CFAP20DC: variants seen among roughly 807,000 people sequenced by gnomAD.
The protein encoded by CFAP20DC is protein CFAP20DC.
In CFAP20DC, 84 loss-of-function variants were observed where a neutral mutation model predicts 101.7. The observed-to-expected ratio is 0.83, with a 90% confidence interval of 0.69 to 0.99. CFAP20DC has a LOEUF of 0.99. Among genes scored for constraint, CFAP20DC ranks in the 50% least tolerant of loss-of-function variants. The pLI, the probability that CFAP20DC is intolerant of heterozygous loss-of-function variation, is 0.00. For synonymous variants in CFAP20DC, 359 were observed against 351.2 expected (o/e 1.02, Z -0.25); for missense variants, 1,007 against 970.3 (o/e 1.04, Z -0.50).
intron 6 of CFAP20DC, among the ~76,000 whole-genome samples, chr3:58,898,620 G>C (rs959791683): frequency 6.6e-6 from 1 of 152,034 alleles, no homozygotes; most frequent in African/African-American, 2.4e-5. Flanking sequence ...CTTTGCTTTG[G>C]GTTACAACAT....
chr3:58,863,044 C>G lies in CFAP20DC; in HGVS notation c.1593+514G>C, dbSNP rs1249216082. The G allele has an allele frequency of 2.7e-5, 27 of 988,956 alleles. No individual in the cohort carries two copies. Among genetic ancestry groups the G allele is most frequent in the Admixed American group, 1.2e-4 (2 of 16,442 alleles). 61.3% of individuals were successfully genotyped at this position (988,956 alleles called of 1,614,324 possible). A position where few individuals can be genotyped will look rare whatever the true frequency, so the allele number is the denominator to read the frequency against. ...TGTAAGGCAAGTCCCAGCACTAATC[C>G]ACGACTCATTATCTAAACTTTAATT... On this transcript the variant is annotated intron_variant, in intron 12 of 16. Transcript: ENST00000482387. This position sits in a 1 kb window ranked among gnomAD's most constrained non-coding sequence, Gnocchi z 5.9.
At chr3:58,842,953 C>T (rs941230576) in intron 13 of CFAP20DC, among the ~76,000 whole-genome samples, 17 of 151,764 alleles carry the variant, frequency 1.1e-4, no homozygotes, top group African/African-American at 4.1e-4. Context: ...GCTGAGGGTC[C>T]TGTCTGTTAG....
At chr3:58,922,180 C>T (rs1437927552) in intron 5 of CFAP20DC, among the ~76,000 whole-genome samples, 1 of 152,128 alleles carries the variant, frequency 6.6e-6, no homozygotes, top group Non-Finnish European at 1.5e-5. Flanking sequence ...GCATTTAGTC[C>T]ATTTCCACTT....
rs1002946276 is a variant in CFAP20DC, at chr3:58,874,457, G to A, written c.716-4148C>T. On this transcript the variant is annotated intron_variant, in intron 7 of 16. Transcript: ENST00000482387. This position sits in a 1 kb window ranked among gnomAD's most constrained non-coding sequence, Gnocchi z 5.1. ...CTTAAAGTTCTTCAGTGGCTTCTCTGCTGCTCTCAGGAGTAAGATGAAGGC... is the reference window on the plus strand; with the variant it reads ...CTTAAAGTTCTTCAGTGGCTTCTCTACTGCTCTCAGGAGTAAGATGAAGGC... 6.6e-6 allele frequency among the ~76,000 whole-genome samples: 1 copy of A among 152,070 alleles called. No individual in the cohort carries two copies. The highest frequency in any genetic ancestry group is 1.5e-5 in the Non-Finnish European group (1 of 68,022).
At chr3:58,935,161 C>A (rs867748893) in intron 5 of CFAP20DC, among the ~76,000 whole-genome samples, 3 of 152,284 alleles carry the variant, frequency 2.0e-5, no homozygotes, top group South Asian at 4.1e-4. Context: ...CATGAGTGAA[C>A]TCCCATTCAC....
rs759113949 is a variant in CFAP20DC at position 58,795,660 on chromosome 3, C to T, written c.2237+10735G>A. ...AACATAGAAAAAGCAAAAGTAATAG[C>T]GAAAGCCAAGATTCTTCAGGTATCT... On this transcript the variant is annotated intron_variant, in intron 15 of 16. Coordinates refer to ENST00000482387, the MANE Select transcript of CFAP20DC (RefSeq NM_001394063.1). The surrounding 1 kb of genome is among the most constrained non-coding windows in gnomAD (Gnocchi z 4.2). Among the ~76,000 whole-genome samples, 3 of 152,064 alleles carry T rather than the reference C, an allele frequency of 2.0e-5. No homozygotes were observed. The highest frequency in any genetic ancestry group is 2.9e-5 in the Non-Finnish European group (2 of 68,016).
At position 58,721,392 on chromosome 3, in the gene CFAP20DC, A is replaced by G. The variant is rs2107048039; in HGVS notation, c.198-3764T>C. On this transcript the variant is annotated intron_variant, in intron 3 of 3. Transcript: ENST00000486145. The surrounding 1 kb of genome is among the most constrained non-coding windows in gnomAD (Gnocchi z 5.2). ...GAATGAAGAGATAGACATTTTTTAA[A>G]AATTACAACCATGATAGGGTACCTA... is the stretch of plus-strand genomic sequence containing the variant. Among the ~76,000 whole-genome samples, 2 of 151,474 alleles carry G rather than the reference A, an allele frequency of 1.3e-5. No individual in the cohort carries two copies. The highest frequency in any genetic ancestry group is 4.2e-4 in the South Asian group (2 of 4,728).
In CFAP20DC at chr3:58,722,595, C is replaced by T. The variant is rs78292370; in HGVS notation, c.198-4967G>A. Among the ~76,000 whole-genome samples the T allele has an allele frequency of 5.2e-3, 785 of 152,272 alleles. 5 individuals carry two copies. The highest frequency in any genetic ancestry group is 0.018 in the African/African-American group (752 of 41,554). On this transcript the variant is annotated intron_variant, in intron 3 of 3. Transcript: ENST00000486145. The surrounding 1 kb of genome is among the most constrained non-coding windows in gnomAD (Gnocchi z 4.5). ...TCAAAAGCCCAGCTCTCCCCTTCGACGCAGGGTCAAGGCAAGACAGGGAAT... is the reference window on the plus strand; with the variant it reads ...TCAAAAGCCCAGCTCTCCCCTTCGATGCAGGGTCAAGGCAAGACAGGGAAT...
rs562603763 is a variant in CFAP20DC at position 58,724,429 on chromosome 3, T to C, written c.198-6801A>G. 3.0e-4 allele frequency among the ~76,000 whole-genome samples: 45 copies of C among 152,268 alleles called. No individual in the cohort carries two copies. Among genetic ancestry groups the C allele is most frequent in the African/African-American group, 1.1e-3 (45 of 41,554 alleles). On this transcript the variant is annotated intron_variant, in intron 3 of 3. Transcript: ENST00000486145. The surrounding 1 kb of genome is among the most constrained non-coding windows in gnomAD (Gnocchi z 5.6). ...GCTTAGAGCGAGACCCTCTCTCTTA[T>C]CTGTAAACACTGTGTTCAAGGAGAA...
At chr3:58,945,876 T>C (rs1319882048) in intron 4 of CFAP20DC, among the ~76,000 whole-genome samples, 4 of 151,826 alleles carry the variant, frequency 2.6e-5, no homozygotes, top group Admixed American at 2.6e-4. Context: ...TTTGTATTTT[T>C]AGTACAGATG....
intron 4 of CFAP20DC, among the ~76,000 whole-genome samples, chr3:58,981,945 C>A (rs550181212): frequency 6.6e-6 from 1 of 152,072 alleles, no homozygotes; most frequent in African/African-American, 2.4e-5. Context: ...AGAAAATTTT[C>A]GCAACCTGCT....
chr3:58,837,995 C>T (rs151096264), intron 13 of CFAP20DC, among the ~76,000 whole-genome samples: 32 of 152,222 alleles, frequency 2.1e-4, no homozygotes, highest in South Asian at 1.9e-3. Flanking sequence ...GTTTCAGATT[C>T]TCAAGCTAGG....
rs768142693 is a variant in CFAP20DC at position 58,964,195 on chromosome 3, G to C, written c.279-26433C>G. Among the ~76,000 whole-genome samples, 1 of 152,058 alleles carries C rather than the reference G, an allele frequency of 6.6e-6. No individual in the cohort carries two copies. Among genetic ancestry groups the C allele is most frequent in the African/African-American group, 2.4e-5 (1 of 41,388 alleles). On this transcript the variant is annotated intron_variant, in intron 4 of 16. Coordinates refer to ENST00000482387, the MANE Select transcript of CFAP20DC (RefSeq NM_001394063.1). This position sits in a 1 kb window ranked among gnomAD's most constrained non-coding sequence, Gnocchi z 4.1. Reference sequence around the variant, plus strand: ...AGATGTCATAACTATAGCTTCAATCGGACAAGAGACTGATTTCAATAACCT... The same window carrying C: ...AGATGTCATAACTATAGCTTCAATCCGACAAGAGACTGATTTCAATAACCT...
In CFAP20DC at chr3:58,831,298, C is replaced by CTATAGTCTTT. The variant is rs1265428060; in HGVS notation, c.2175+378_2175+387dup. Among the ~76,000 whole-genome samples, 5 of 152,288 alleles carry CTATAGTCTTT rather than the reference C, an allele frequency of 3.3e-5. No individual in the cohort carries two copies. The South Asian group carries it at 8.3e-4, about 25-fold the overall frequency. ...TCATATCCAAGCAATACTTGTGTATCTATAGTCTTTTCCTCTGTGTTCATT... is the reference window on the plus strand; with the variant it reads ...TCATATCCAAGCAATACTTGTGTATCTATAGTCTTTTATAGTCTTTTCCTCTGTGTTCATT... On this transcript the variant is annotated intron_variant, in intron 14 of 16. Transcript: ENST00000482387.
rs1031417287 is a variant in CFAP20DC at position 58,862,488 on chromosome 3, A to G, written c.1593+1070T>C. On this transcript the variant is annotated intron_variant, in intron 12 of 16. Transcript: ENST00000482387. ...TTGGTATGACTAATTGTTTCATGACACTCAGAAGCAAGAATATTGTGAAAA... is the reference window on the plus strand; with the variant it reads ...TTGGTATGACTAATTGTTTCATGACGCTCAGAAGCAAGAATATTGTGAAAA... 1.3e-5 allele frequency: 13 copies of G among 985,280 alleles called. No individual in the cohort carries two copies. The African/African-American group carries it at 2.3e-4, about 17-fold the overall frequency. 61.0% of individuals were successfully genotyped at this position (985,280 alleles called of 1,614,324 possible).
chr3:58,971,892 C>CACA lies in CFAP20DC; in HGVS notation c.279-34131_279-34130insTGT, dbSNP rs71625698. On this transcript the variant is annotated intron_variant, in intron 4 of 16. Coordinates refer to ENST00000482387, the MANE Select transcript of CFAP20DC (RefSeq NM_001394063.1). The surrounding 1 kb of genome is among the most constrained non-coding windows in gnomAD (Gnocchi z 4.1). Reference sequence around the variant, plus strand: ...ACACACACACACACACACACACACACAATTAAGCTCTAGAGGTACTCCCAA... The same window carrying CACA: ...ACACACACACACACACACACACACACACAAATTAAGCTCTAGAGGTACTCCCAA... Among the ~76,000 whole-genome samples the CACA allele has an allele frequency of 1.3e-5, 2 of 150,936 alleles. No individual in the cohort carries two copies. The highest frequency in any genetic ancestry group is 4.9e-5 in the African/African-American group (2 of 40,884).
intron 4 of CFAP20DC, among the ~76,000 whole-genome samples, chr3:58,955,144 T>C (rs2090507741): frequency 6.6e-6 from 1 of 152,006 alleles, no homozygotes; most frequent in Non-Finnish European, 1.5e-5. Context: ...CTCAAAAAGA[T>C]CCCTTAGACC....
At chr3:58,761,007 G>A (rs1047979238) in intron 15 of CFAP20DC, among the ~76,000 whole-genome samples, 7 of 152,040 alleles carry the variant, frequency 4.6e-5, no homozygotes, top group African/African-American at 1.7e-4. Flanking sequence ...TTTTTTTGTT[G>A]TGTCTCTGCC....
At chr3:59,027,615 A>G (rs2093916176) in intron 4 of CFAP20DC, among the ~76,000 whole-genome samples, 1 of 152,270 alleles carries the variant, frequency 6.6e-6, no homozygotes, top group Non-Finnish European at 1.5e-5. Context: ...GCAGCTCAAC[A>G]ATATTCAGAA....
Sources: allele counts gnomAD v4.1 joint callset (sites outside exome capture counted in the v4.1 genomes callset), GRCh38; gene constraint gnomAD v4.1.1; non-coding constraint Gnocchi (gnomAD v3.1); transcripts MANE v1.5; gene names NCBI Gene and HGNC (gene_info 2026-07-23, HGNC 2026-07-21).